The following WWTR1 variants were observed in gnomAD, a reference collection of about 807,000 sequenced individuals.
WWTR1 encodes the protein WW domain-containing transcription regulator protein 1.
A neutral mutation model predicts 40.1 loss-of-function variants in WWTR1; 13 were observed. The ratio of observed to expected loss-of-function variants is 0.32; its 90% confidence interval spans 0.21 to 0.52. WWTR1 has a LOEUF of 0.52. WWTR1 is among the 20% of genes least tolerant of loss of function. WWTR1 has a pLI of 0.97. For synonymous variants in WWTR1, 230 were observed against 210.1 expected, an observed-to-expected ratio of 1.09 and a Z score of -0.82; for missense variants, 436 against 523.1, an observed-to-expected ratio of 0.83 and a Z score of 1.63.
chr3:149,682,260 A>G (rs1714480399), intron 1 of WWTR1, among the ~76,000 whole-genome samples: 1 of 152,202 alleles, frequency 6.6e-6, no homozygotes, highest in African/African-American at 2.4e-5. Context: ...TGGCTGCACC[A>G]TAGAGACACT....
At position 149,625,100 on chromosome 3, in the gene WWTR1, CTTT is replaced by C. The variant is rs759849000; in HGVS notation, c.431+31773_431+31775del. ...TGTTAGTGAAATAGACAACTCTACC[CTTT>C]TTTTTTTTTTTTTTTTTGGTTTTTT... On this transcript the variant is annotated intron_variant, in intron 2 of 6. Coordinates refer to ENST00000360632, the MANE Select transcript of WWTR1 (RefSeq NM_015472.6). Among the ~76,000 whole-genome samples, 626 of 96,340 alleles carry C rather than the reference CTTT, an allele frequency of 6.5e-3. 4 individuals carry two copies. Among genetic ancestry groups the C allele is most frequent in the African/African-American group, 0.023 (601 of 26,128 alleles). The allele number at this position is 96,340 out of a possible 152,430, so 63.2% of individuals were successfully genotyped here.
chr3:149,698,641 G>A (rs1417881586), intron 1 of WWTR1, among the ~76,000 whole-genome samples: 1 of 152,220 alleles, frequency 6.6e-6, no homozygotes, highest in African/African-American at 2.4e-5. Context: ...CCACCCCTGT[G>A]GCAGGCTTCT....
At chr3:149,564,285 A>G (rs1472833642) in intron 3 of WWTR1, among the ~76,000 whole-genome samples, 2 of 152,186 alleles carry the variant, frequency 1.3e-5, no homozygotes, top group Non-Finnish European at 2.9e-5. Flanking sequence ...AGCTAGTGGT[A>G]GATCTGGACC....
At chr3:149,691,024 C>G (rs1476143776) in intron 1 of WWTR1, among the ~76,000 whole-genome samples, 1 of 151,948 alleles carries the variant, frequency 6.6e-6, no homozygotes, top group African/African-American at 2.4e-5. Context: ...CAAGAAACAA[C>G]TTTAAAGATT....
intron 1 of WWTR1, among the ~76,000 whole-genome samples, chr3:149,674,646 T>C (rs747241537): frequency 6.6e-6 from 1 of 152,152 alleles, no homozygotes; most frequent in Admixed American, 6.6e-5. Context: ...CAAGCCAAAA[T>C]TGATTCTCTT....
At chr3:149,664,899 A>C in intron 2 of WWTR1, among the ~76,000 whole-genome samples, 1 of 152,006 alleles carries the variant, frequency 6.6e-6, no homozygotes. Context: ...AGAAGGCACT[A>C]TCTTTTGTCT....
At chr3:149,645,675 A>T (rs576250330) in intron 2 of WWTR1, among the ~76,000 whole-genome samples, 2 of 152,354 alleles carry the variant, frequency 1.3e-5, no homozygotes, top group East Asian at 3.9e-4. Context: ...TGCAGCCTCA[A>T]CTATGATAGG....
rs1390848151 is a variant in WWTR1 at position 149,518,002 on chromosome 3, C to T, written c.*2803G>A. 6.6e-6 allele frequency: 1 copy of T among 152,036 alleles called. No individual in the cohort carries two copies. The highest frequency in any genetic ancestry group is 1.5e-5 in the Non-Finnish European group (1 of 67,986). The allele number at this position is 152,036 out of a possible 1,614,324, so 9.4% of individuals were successfully genotyped here. ...ATAATAAGAAATATAGTATAAATAG[C>T]ACCTTATCAAGAATTCTGCAGGGGT... is the stretch of plus-strand genomic sequence containing the variant. On this transcript the variant is annotated 3_prime_UTR_variant, in exon 7 of 7. Transcript: ENST00000360632.
intron 2 of WWTR1, among the ~76,000 whole-genome samples, chr3:149,622,483 AAGGAAGGAAGG>A (rs1263714773): frequency 2.3e-5 from 3 of 129,016 alleles, no homozygotes; most frequent in African/African-American, 5.8e-5. Context: ...GGAAGGAAGG[AAGGAAGGAAGG>A]AAGGAAGGAA....
At chr3:149,591,330 G>C (rs1738716083) in intron 2 of WWTR1, among the ~76,000 whole-genome samples, 1 of 152,126 alleles carries the variant, frequency 6.6e-6, no homozygotes, top group African/African-American at 2.4e-5. Flanking sequence ...GCCAAAACCT[G>C]TTCCTTCAGA....
At chr3:149,572,731 C>A in intron 3 of WWTR1, 133 bp downstream of exon 3, 1 of 1,095,070 alleles carries the variant, frequency 9.1e-7, no homozygotes, top group Non-Finnish European at 1.3e-6. Flanking sequence ...CCTGTTATCG[C>A]AGCACTTTGG....
intron 4 of WWTR1, among the ~76,000 whole-genome samples, chr3:149,723,191 T>TC (rs1306885741): frequency 2.6e-4 from 37 of 143,230 alleles, no homozygotes; most frequent in African/African-American, 9.3e-4. Context: ...TTTTCTTTTT[T>TC]TTTTTTTTTT....
At chr3:149,666,250 C>G (rs1713814439) in intron 2 of WWTR1, among the ~76,000 whole-genome samples, 1 of 152,134 alleles carries the variant, frequency 6.6e-6, no homozygotes, top group African/African-American at 2.4e-5. Context: ...AGTTAGGACA[C>G]TTTTCATGCC....
At chr3:149,555,037 T>G (rs1320344276) in intron 3 of WWTR1, among the ~76,000 whole-genome samples, 1 of 152,230 alleles carries the variant, frequency 6.6e-6, no homozygotes, top group African/African-American at 2.4e-5. Flanking sequence ...CATGCATTTA[T>G]TTTTCTTTAG....
At chr3:149,612,055 G>T (rs180801018) in intron 2 of WWTR1, among the ~76,000 whole-genome samples, 1 of 152,278 alleles carries the variant, frequency 6.6e-6, no homozygotes, top group Non-Finnish European at 1.5e-5. Flanking sequence ...GACTGGCTTA[G>T]AACCCTGGAT....
chr3:149,568,560 A>C (rs906730803), intron 3 of WWTR1, among the ~76,000 whole-genome samples: 79 of 128,584 alleles, frequency 6.1e-4, no homozygotes, highest in Non-Finnish European at 7.1e-4. Flanking sequence ...AAAAAAAAAA[A>C]CCATATTTTT....
At chr3:149,688,865 G>A (rs1457333730) in intron 1 of WWTR1, among the ~76,000 whole-genome samples, 2 of 152,090 alleles carry the variant, frequency 1.3e-5, no homozygotes, top group African/African-American at 4.8e-5. Context: ...ATTCAAAATA[G>A]CTGTTTTGAG....
chr3:149,568,523 CAAAAAA>C (rs34414853), intron 3 of WWTR1, among the ~76,000 whole-genome samples: 13,128 of 64,882 alleles, frequency 0.2, 1,140 homozygotes, highest in Middle Eastern at 0.37. Context: ...AATTAAAGTG[CAAAAAA>C]AAAAAAAAAA....
chr3:149,634,022 C>A (rs1560095362), intron 2 of WWTR1, among the ~76,000 whole-genome samples: 1 of 152,084 alleles, frequency 6.6e-6, no homozygotes, highest in Non-Finnish European at 1.5e-5. Flanking sequence ...GGCTAGTGTG[C>A]TGCAGTCTAC....
Sources: allele counts gnomAD v4.1 joint callset (sites outside exome capture counted in the v4.1 genomes callset), GRCh38; gene constraint gnomAD v4.1.1; transcripts MANE v1.5; gene names NCBI Gene and HGNC (gene_info 2026-07-23, HGNC 2026-07-21).